Variants in PRKAG2 observed in about 807,000 individuals in gnomAD.
PRKAG2 encodes the protein 5'-AMP-activated protein kinase subunit gamma-2.
In PRKAG2, 26 loss-of-function variants were observed where a neutral mutation model predicts 69.6. That is an observed-to-expected ratio of 0.37 (90% CI 0.27 to 0.52). PRKAG2 has a LOEUF of 0.52. Among genes scored for constraint, PRKAG2 ranks in the 20% least tolerant of loss-of-function variants. The pLI is 0.90. For synonymous variants in PRKAG2, 293 were observed against 285.0 expected (o/e 1.03, Z -0.28); for missense variants, 557 against 740.0 (o/e 0.75, Z 2.87).
chr7:151,642,857 A>G (rs1040383946), intron 4 of PRKAG2, among the ~76,000 whole-genome samples: 2 of 152,250 alleles, frequency 1.3e-5, no homozygotes, highest in African/African-American at 4.8e-5. Context: ...ATAGGAGACA[A>G]TGGTAAGCTT....
In PRKAG2 at chr7:151,638,513, A is replaced by T. The variant is rs1826123656; in HGVS notation, c.685-6375T>A. On this transcript the variant is annotated intron_variant, in intron 4 of 15. Coordinates refer to ENST00000287878, the MANE Select transcript of PRKAG2 (RefSeq NM_016203.4). This position sits in a 1 kb window ranked among gnomAD's most constrained non-coding sequence, Gnocchi z 4.3. ...GCCGGGCATGGTTGCGCACACCTGTAGTCCCAGCTACTCGGGAGGCTGAGG... is the reference window on the plus strand; with the variant it reads ...GCCGGGCATGGTTGCGCACACCTGTTGTCCCAGCTACTCGGGAGGCTGAGG... Among the ~76,000 whole-genome samples, 1 of 152,152 alleles carries T rather than the reference A, an allele frequency of 6.6e-6. No homozygotes were observed. The highest frequency in any genetic ancestry group is 1.5e-5 in the Non-Finnish European group (1 of 68,018).
intron 1 of PRKAG2, among the ~76,000 whole-genome samples, chr7:151,865,855 TA>T (rs1191512896): frequency 4.0e-5 from 6 of 151,694 alleles, no homozygotes; most frequent in East Asian, 1.9e-4. Flanking sequence ...CCGTCTCTAT[TA>T]AAAAATACAA....
Position 151,867,962 on chromosome 7 carries a change from C to T in PRKAG2, c.114+8545G>A, listed in dbSNP as rs532086377. On this transcript the variant is annotated intron_variant, in intron 1 of 15. Coordinates refer to ENST00000287878, the MANE Select transcript of PRKAG2 (RefSeq NM_016203.4). ...CTCCCCTGGAAGAAGGCCAGCAGAGCTGCAGGGCACCCCCCTCCAGGACCA... is the reference window on the plus strand; with the variant it reads ...CTCCCCTGGAAGAAGGCCAGCAGAGTTGCAGGGCACCCCCCTCCAGGACCA... Among the ~76,000 whole-genome samples, 61 of 152,344 alleles carry T rather than the reference C, an allele frequency of 4.0e-4. 1 individual carries two copies. Among genetic ancestry groups the T allele is most frequent in the African/African-American group, 1.4e-3 (58 of 41,584 alleles).
intron 3 of PRKAG2, among the ~76,000 whole-genome samples, chr7:151,709,723 G>A (rs187510824): frequency 6.6e-6 from 1 of 152,242 alleles, no homozygotes; most frequent in Non-Finnish European, 1.5e-5. Flanking sequence ...GTGACATTGC[G>A]TGACACTGAG....
rs757062513 is a variant in PRKAG2 at position 151,777,986 on chromosome 7, T to A, written c.466+3166A>T. ...TCCCCAGTTGCTCCTGTAGATAGTA[T>A]CACTATTTAACACCTAAGATTGGTC... is the stretch of plus-strand genomic sequence containing the variant. On this transcript the variant is annotated intron_variant, in intron 3 of 15. Coordinates refer to ENST00000287878, the MANE Select transcript of PRKAG2 (RefSeq NM_016203.4). The surrounding 1 kb of genome is among the most constrained non-coding windows in gnomAD (Gnocchi z 4.3). 1.3e-5 allele frequency among the ~76,000 whole-genome samples: 2 copies of A among 152,100 alleles called. No individual in the cohort carries two copies. Among genetic ancestry groups the A allele is most frequent in the Non-Finnish European group, 2.9e-5 (2 of 68,022 alleles).
intron 5 of PRKAG2, among the ~76,000 whole-genome samples, chr7:151,595,686 G>T (rs1814319220): frequency 6.6e-6 from 1 of 152,126 alleles, no homozygotes; most frequent in African/African-American, 2.4e-5. Context: ...CATACATGTT[G>T]AAAAGGAAAA....
intron 3 of PRKAG2, among the ~76,000 whole-genome samples, chr7:151,698,231 C>G (rs1182570882): frequency 6.6e-6 from 1 of 152,198 alleles, no homozygotes; most frequent in East Asian, 1.9e-4. Context: ...GCTAATGCCC[C>G]TGGGGGCACA....
intron 5 of PRKAG2, among the ~76,000 whole-genome samples, chr7:151,610,406 C>A (rs960647502): frequency 1.4e-5 from 2 of 144,608 alleles, no homozygotes; most frequent in African/African-American, 5.2e-5. Flanking sequence ...GGGCTGGGCG[C>A]GGTGGCTTAC....
intron 3 of PRKAG2, among the ~76,000 whole-genome samples, chr7:151,696,969 C>T (rs1050319425): frequency 6.6e-6 from 1 of 152,132 alleles, no homozygotes; most frequent in Non-Finnish European, 1.5e-5. Flanking sequence ...GCAGATTCCC[C>T]GAGAGCCAGG....
At chr7:151,713,381 G>A (rs938211345) in intron 3 of PRKAG2, among the ~76,000 whole-genome samples, 1 of 152,086 alleles carries the variant, frequency 6.6e-6, no homozygotes, top group Non-Finnish European at 1.5e-5. Flanking sequence ...TGCAAGCCAG[G>A]CTGTGAATCA....
intron 4 of PRKAG2, among the ~76,000 whole-genome samples, chr7:151,649,650 TAGTC>T (rs1180744369): frequency 3.3e-5 from 5 of 152,148 alleles, no homozygotes; most frequent in Admixed American, 6.5e-5. Context: ...GTCCTCGTGA[TAGTC>T]AGTGAATTTT....
In PRKAG2 at chr7:151,674,491, G is replaced by A. The variant is rs1208135750; in HGVS notation, c.684+929C>T. ...TGGCTCTCACAGTGTCGCTGGGCAC[G>A]GGAATAATACTGGGTACCTGCGGTA... is the stretch of plus-strand genomic sequence containing the variant. On this transcript the variant is annotated intron_variant, in intron 4 of 15. Transcript: ENST00000287878. Among the ~76,000 whole-genome samples, 9 of 152,292 alleles carry A rather than the reference G, an allele frequency of 5.9e-5. No homozygotes were observed. The East Asian group carries it at 7.7e-4, about 13-fold the overall frequency.
chr7:151,642,375 G>T (rs995850996), intron 4 of PRKAG2, among the ~76,000 whole-genome samples: 1 of 151,664 alleles, frequency 6.6e-6, no homozygotes. Context: ...CAAAACAAAA[G>T]GTAGCTGGGC....
intron 8 of PRKAG2, among the ~76,000 whole-genome samples, chr7:151,573,879 A>G (rs1808280778): frequency 6.6e-6 from 1 of 152,114 alleles, no homozygotes. Context: ...CCTGGGTTCA[A>G]GCGATTCTTG....
Position 151,756,396 on chromosome 7 carries a change from T to C in PRKAG2, c.466+24756A>G, listed in dbSNP as rs754464588. Among the ~76,000 whole-genome samples the C allele has an allele frequency of 6.6e-6, 1 of 152,218 alleles. No homozygotes were observed. Among genetic ancestry groups the C allele is most frequent in the Non-Finnish European group, 1.5e-5 (1 of 68,036 alleles). ...CTGGGAGGGACCCTAGATGGATTTG[T>C]GGGTGCATCTCGGGCACCCCGCTCA... On this transcript the variant is annotated intron_variant, in intron 3 of 15. Transcript: ENST00000287878. This position sits in a 1 kb window ranked among gnomAD's most constrained non-coding sequence, Gnocchi z 4.9.
chr7:151,661,174 G>A (rs1830258329), intron 4 of PRKAG2, among the ~76,000 whole-genome samples: 1 of 152,168 alleles, frequency 6.6e-6, no homozygotes, highest in Non-Finnish European at 1.5e-5. Context: ...GCCTTTCACT[G>A]TCTTTTTTTG....
chr7:151,725,698 T>C (rs1297936697), intron 3 of PRKAG2, among the ~76,000 whole-genome samples: 1 of 152,072 alleles, frequency 6.6e-6, no homozygotes, highest in Non-Finnish European at 1.5e-5. Flanking sequence ...AGACAGTTCA[T>C]ACCAGACAGG....
chr7:151,627,441 C>T (rs1354444639), intron 5 of PRKAG2, among the ~76,000 whole-genome samples: 4 of 152,040 alleles, frequency 2.6e-5, no homozygotes, highest in Non-Finnish European at 5.9e-5. Context: ...GCCTGGGCAC[C>T]ATGGTGAAAC....
chr7:151,609,195 C>T (rs1464424513), intron 5 of PRKAG2, among the ~76,000 whole-genome samples: 1 of 152,100 alleles, frequency 6.6e-6, no homozygotes, highest in East Asian at 1.9e-4. Context: ...TTTAAAAACA[C>T]CTGCAAATAC....
Sources: gnomAD v4.1 joint callset for allele counts (sites outside exome capture counted in the v4.1 genomes callset) on GRCh38, gnomAD v4.1.1 for gene constraint, Gnocchi (gnomAD v3.1) non-coding constraint, MANE v1.5 for transcripts, NCBI Gene and HGNC (gene_info 2026-07-23, HGNC 2026-07-21) for gene names.